Variants in CELF2 observed in about 807,000 individuals in gnomAD.
The protein encoded by CELF2 is CUGBP Elav-like family member 2.
In CELF2, 8 loss-of-function variants were observed where a neutral mutation model predicts 62.6. That is an observed-to-expected ratio of 0.13 (90% CI 0.07 to 0.23). The LOEUF is 0.23. Among genes scored for constraint, CELF2 ranks in the 10% least tolerant of loss-of-function variants. The probability of loss-of-function intolerance (pLI) is 1.00; values close to 1 mark genes in which losing one functional copy is unlikely to be tolerated. For synonymous variants in CELF2, 258 were observed against 250.0 expected (o/e 1.03, Z -0.30); for missense variants, 333 against 671.0 (o/e 0.50, Z 5.56).
At chr10:10,543,747 G>T in the CELF2 span, among the ~76,000 whole-genome samples, 1 of 128,846 alleles carries the variant, frequency 7.8e-6, no homozygotes, top group African/African-American at 2.9e-5. Flanking sequence ...CAACAAGAGA[G>T]AAACTCCATT....
chr10:11,330,849 G>A lies in CELF2; in HGVS notation c.*1796G>A, dbSNP rs2095998563. The A allele has an allele frequency of 6.6e-6, 1 of 152,542 alleles. No homozygotes were observed. Among genetic ancestry groups the A allele is most frequent in the Non-Finnish European group, 1.5e-5 (1 of 68,028 alleles). The allele number at this position is 152,542 out of a possible 1,614,324, so 9.4% of individuals were successfully genotyped here. On this transcript the variant is annotated 3_prime_UTR_variant, in exon 13 of 13. Coordinates refer to ENST00000633077, the MANE Select transcript of CELF2 (RefSeq NM_001326342.2). This position sits in a 1 kb window ranked among gnomAD's most constrained non-coding sequence, Gnocchi z 4.5. ...CAATATGTGTCCAGGGACACAGAAT[G>A]TTGGTTTCTAACAGACTACTTCCAA...
In CELF2 at chr10:11,145,624, A is replaced by G. The variant is rs1016462025; in HGVS notation, c.75-19862A>G. 5.9e-5 allele frequency among the ~76,000 whole-genome samples: 9 copies of G among 152,210 alleles called. No homozygotes were observed. Among genetic ancestry groups the G allele is most frequent in the African/African-American group, 1.9e-4 (8 of 41,438 alleles). ...GGAGAGCGGAAGTGAGCTGTGGGTG[A>G]CTGCAGAGAGGTTGTAGCACTCTGT... is the stretch of plus-strand genomic sequence containing the variant. On this transcript the variant is annotated intron_variant, in intron 1 of 12. Transcript: ENST00000633077. This position sits in a 1 kb window ranked among gnomAD's most constrained non-coding sequence, Gnocchi z 4.3.
At chr10:10,817,109 T>C (rs2056531874) in intron 1 of CELF2, among the ~76,000 whole-genome samples, 1 of 152,198 alleles carries the variant, frequency 6.6e-6, no homozygotes, top group Non-Finnish European at 1.5e-5. Context: ...ACTGATGTTT[T>C]ACATGGAATC....
chr10:10,997,902 T>C lies in CELF2; in HGVS notation c.89+77903T>C, dbSNP rs1327207851. On this transcript the variant is annotated intron_variant, in intron 2 of 13. Transcript: ENST00000636488. The surrounding 1 kb of genome is among the most constrained non-coding windows in gnomAD (Gnocchi z 5.3). ...ATCCCCACCCAAATCTCACCTTGAA[T>C]TGTAATAATCCCCACGTGTCATGGG... Among the ~76,000 whole-genome samples the C allele has an allele frequency of 6.6e-6, 1 of 152,138 alleles. No individual in the cohort carries two copies. The highest frequency in any genetic ancestry group is 1.5e-5 in the Non-Finnish European group (1 of 68,014).
chr10:10,651,927 C>A, the CELF2 span, among the ~76,000 whole-genome samples: 2 of 151,104 alleles, frequency 1.3e-5, no homozygotes, highest in South Asian at 4.3e-4. Flanking sequence ...TTACTCTGAG[C>A]TACGGGAGGA....
At chr10:11,304,366 A>G (rs779229766) in intron 9 of CELF2, among the ~76,000 whole-genome samples, 1 of 152,144 alleles carries the variant, frequency 6.6e-6, no homozygotes, top group Non-Finnish European at 1.5e-5. Context: ...CCCCATCTCA[A>G]GTTCTGCTGA....
chr10:10,522,459 C>A, the CELF2 span, among the ~76,000 whole-genome samples: 1 of 152,212 alleles, frequency 6.6e-6, no homozygotes, highest in East Asian at 1.9e-4. Context: ...TCACCGGAAC[C>A]ATGTTCTCAC....
At chr10:10,857,205 C>T (rs1261044343) in intron 1 of CELF2, among the ~76,000 whole-genome samples, 1 of 152,160 alleles carries the variant, frequency 6.6e-6, no homozygotes, top group Non-Finnish European at 1.5e-5. Context: ...TGCTAACCTT[C>T]TCATGCACTG....
At chr10:10,919,806 C>T (rs2064714997) in intron 1 of CELF2, among the ~76,000 whole-genome samples, 1 of 152,222 alleles carries the variant, frequency 6.6e-6, no homozygotes, top group Admixed American at 6.5e-5. Context: ...GGGAATTAAT[C>T]AGAAATGCAA....
At chr10:11,182,916 C>A (rs1223919359) in intron 2 of CELF2, among the ~76,000 whole-genome samples, 1 of 152,228 alleles carries the variant, frequency 6.6e-6, no homozygotes, top group Non-Finnish European at 1.5e-5. Flanking sequence ...TGCATTCCTA[C>A]TGTTGTCACC....
the CELF2 span, among the ~76,000 whole-genome samples, chr10:10,510,391 G>T: frequency 6.6e-6 from 1 of 152,212 alleles, no homozygotes; most frequent in Non-Finnish European, 1.5e-5. Context: ...TGTTTGTGTG[G>T]TCCTGCCTAG....
At chr10:10,784,576 AT>A in the CELF2 span, 1 of 152,264 alleles carries the variant, frequency 6.6e-6, no homozygotes, top group Admixed American at 6.5e-5. Context: ...CTCTCTGACC[AT>A]CCCCAACCAA....
chr10:11,116,200 G>A (rs776501729), intron 1 of CELF2, among the ~76,000 whole-genome samples: 4 of 152,240 alleles, frequency 2.6e-5, no homozygotes, highest in Non-Finnish European at 5.9e-5. Flanking sequence ...CTTCAGAAGA[G>A]TAAAAGACTA....
At position 11,165,341 on chromosome 10, in the gene CELF2, ATCAAATTTCTACGAC is replaced by A; in HGVS notation, c.75-141_75-127del. ...TGGTGCCTCCGCTTTGTTTTAGTTC[ATCAAATTTCTACGAC>A]TCATTAGGCACTTTGCCACTGCTCT... is the stretch of plus-strand genomic sequence containing the variant. On this transcript the variant is annotated intron_variant, in intron 1 of 12. Coordinates refer to ENST00000633077, the MANE Select transcript of CELF2 (RefSeq NM_001326342.2). The surrounding 1 kb of genome is among the most constrained non-coding windows in gnomAD (Gnocchi z 7.4). 1 of 1,457,670 alleles carries A rather than the reference ATCAAATTTCTACGAC, an allele frequency of 6.9e-7. No individual in the cohort carries two copies. The highest frequency in any genetic ancestry group is 2.5e-5 in the East Asian group (1 of 40,410). 90.3% of individuals were successfully genotyped at this position (1,457,670 alleles called of 1,614,324 possible).
chr10:10,598,145 G>C, the CELF2 span, among the ~76,000 whole-genome samples: 2 of 152,168 alleles, frequency 1.3e-5, no homozygotes, highest in Non-Finnish European at 1.5e-5. Flanking sequence ...TAAGGACATA[G>C]AGCGCTTAGA....
At chr10:11,184,252 C>T (rs934610220) in intron 2 of CELF2, among the ~76,000 whole-genome samples, 8 of 152,198 alleles carry the variant, frequency 5.3e-5, no homozygotes, top group African/African-American at 1.9e-4. Flanking sequence ...CTCCAGTGAT[C>T]TTATTTGTCT....
At chr10:10,908,336 C>T (rs2063522617) in intron 1 of CELF2, among the ~76,000 whole-genome samples, 1 of 148,124 alleles carries the variant, frequency 6.8e-6, no homozygotes, top group East Asian at 2.1e-4. Context: ...TCTCCTGCCT[C>T]AGTCTCCCAA....
the CELF2 span, among the ~76,000 whole-genome samples, chr10:10,575,945 C>T: frequency 7.3e-4 from 111 of 152,240 alleles, no homozygotes; most frequent in African/African-American, 2.5e-3. Flanking sequence ...TCTCTGGATT[C>T]GGAGGAGTAA....
chr10:11,283,879 G>GAGTGT (rs1288488755), intron 8 of CELF2, among the ~76,000 whole-genome samples: 1 of 149,942 alleles, frequency 6.7e-6, no homozygotes, highest in Non-Finnish European at 1.5e-5. Flanking sequence ...GATGATGGAT[G>GAGTGT]GAGGGGTGGG....
Sources: allele counts gnomAD v4.1 joint callset (sites outside exome capture counted in the v4.1 genomes callset), GRCh38; gene constraint gnomAD v4.1.1; non-coding constraint Gnocchi (gnomAD v3.1); transcripts MANE v1.5; gene names NCBI Gene and HGNC (gene_info 2026-07-23, HGNC 2026-07-21).